The following GRM7 variants were observed in gnomAD, a reference collection of about 807,000 sequenced individuals.
The protein encoded by GRM7 is metabotropic glutamate receptor 7.
Under a neutral mutation model 84.5 loss-of-function variants are expected in GRM7, and 35 were observed. The ratio of observed to expected loss-of-function variants is 0.41; its 90% CI spans 0.32 to 0.55. The LOEUF is 0.55. Ranked by LOEUF, GRM7 falls within the 20% of genes least tolerant of loss-of-function variation. The probability of loss-of-function intolerance (pLI) is 0.19; values close to 1 mark genes in which losing one functional copy is unlikely to be tolerated. For synonymous variants in GRM7, 487 were observed against 455.1 expected, an observed-to-expected ratio of 1.07 and a Z score of -0.89; for missense variants, 1,003 against 1,194.6, an observed-to-expected ratio of 0.84 and a Z score of 2.36.
intron 1 of GRM7, among the ~76,000 whole-genome samples, chr3:7,095,982 TCA>T (rs979711242): frequency 3.9e-5 from 6 of 152,146 alleles, no homozygotes; most frequent in African/African-American, 1.4e-4. Context: ...ATACACATAT[TCA>T]CACAGTTTAC....
chr3:6,866,498 C>G (rs936967975), intron 1 of GRM7, among the ~76,000 whole-genome samples: 1 of 152,162 alleles, frequency 6.6e-6, no homozygotes, highest in Non-Finnish European at 1.5e-5. Flanking sequence ...ACACAGCTCT[C>G]TTGGTCATTA....
chr3:7,030,447 G>A (rs1044759421), intron 1 of GRM7, among the ~76,000 whole-genome samples: 1 of 152,176 alleles, frequency 6.6e-6, no homozygotes, highest in Non-Finnish European at 1.5e-5. Context: ...AAAACTCACT[G>A]AATTGAATAG....
At chr3:7,077,850 C>A (rs929343598) in intron 1 of GRM7, among the ~76,000 whole-genome samples, 2 of 152,022 alleles carry the variant, frequency 1.3e-5, no homozygotes, top group Admixed American at 1.3e-4. Context: ...TGTTCCATAC[C>A]ACTTTATATA....
rs188260529 is a variant in GRM7, at chr3:7,531,315, G to T, written c.1516-47107G>T. Among the ~76,000 whole-genome samples the T allele has an allele frequency of 2.0e-3, 307 of 152,126 alleles. 1 individual carries two copies. The highest frequency in any genetic ancestry group is 3.7e-3 in the Non-Finnish European group (250 of 67,984). Reference sequence around the variant, plus strand: ...TCCATTGGTCTATATCTCTGTTTTGGTACCAGTACCATGCTGTTTGGGTTA... The same window carrying T: ...TCCATTGGTCTATATCTCTGTTTTGTTACCAGTACCATGCTGTTTGGGTTA... On this transcript the variant is annotated intron_variant, in intron 7 of 9. Coordinates refer to ENST00000357716, the MANE Select transcript of GRM7 (RefSeq NM_000844.4).
chr3:7,610,406 G>A (rs1300511902), intron 8 of GRM7, among the ~76,000 whole-genome samples: 1 of 152,152 alleles, frequency 6.6e-6, no homozygotes, highest in Non-Finnish European at 1.5e-5. Flanking sequence ...GTTAAACAAA[G>A]TAATTAATTA....
chr3:6,930,480 A>G (rs1697463614), intron 1 of GRM7, among the ~76,000 whole-genome samples: 1 of 152,208 alleles, frequency 6.6e-6, no homozygotes, highest in South Asian at 2.1e-4. Context: ...CCAATTAATT[A>G]TAAGAACTAA....
chr3:7,328,625 A>C (rs1701075894), intron 4 of GRM7, among the ~76,000 whole-genome samples: 1 of 152,146 alleles, frequency 6.6e-6, no homozygotes. Context: ...GTAACTGTTG[A>C]GCCTCAGTGC....
Position 7,691,242 on chromosome 3 carries a change from G to A in GRM7, c.2698+10947G>A, listed in dbSNP as rs1020520616. The stretch of plus-strand genomic sequence containing the variant: ...TGAGGACCTCAGCTTGCACAAAGAG[G>A]ATTGAGATAACATTTCCAAAGCTTG... On this transcript the variant is annotated intron_variant, in intron 9 of 9. Transcript: ENST00000357716. 9 of 1,285,818 alleles carry A rather than the reference G, an allele frequency of 7.0e-6. No individual in the cohort carries two copies. The Admixed American group carries it at 1.8e-4, about 26-fold the overall frequency. 79.7% of individuals were successfully genotyped at this position (1,285,818 alleles called of 1,614,324 possible). A position where few individuals can be genotyped will look rare whatever the true frequency, so the allele number is the denominator to read the frequency against.
chr3:7,725,322 G>C lies in GRM7; in HGVS notation c.2699-15035G>C, dbSNP rs549632974. ...AAAATTCTGGAACAGATAGTTAGAG[G>C]GTATCACTGCCTCCACAGCCTCTTT... On this transcript the variant is annotated intron_variant, in intron 9 of 9. Transcript: ENST00000357716. Among the ~76,000 whole-genome samples the C allele has an allele frequency of 2.0e-5, 3 of 152,154 alleles. No individual in the cohort carries two copies. In the South Asian group the frequency reaches 6.2e-4, roughly 32 times the overall value.
intron 6 of GRM7, among the ~76,000 whole-genome samples, chr3:7,460,624 G>A (rs960634341): frequency 1.3e-5 from 2 of 152,134 alleles, no homozygotes; most frequent in African/African-American, 4.8e-5. Context: ...ATATTATCAT[G>A]TGGCCAGTGG....
intron 1 of GRM7, among the ~76,000 whole-genome samples, chr3:6,990,236 C>T (rs577607497): frequency 2.6e-5 from 4 of 152,192 alleles, no homozygotes; most frequent in African/African-American, 4.8e-5. Flanking sequence ...AGATGTTGGT[C>T]CCCCAGCCTT....
intron 1 of GRM7, among the ~76,000 whole-genome samples, chr3:6,941,104 A>G (rs1032704771): frequency 6.6e-6 from 1 of 152,176 alleles, no homozygotes; most frequent in Non-Finnish European, 1.5e-5. Context: ...CTGGACGTCA[A>G]TAGCTCCAGC....
At chr3:7,493,635 GCT>G (rs1487099981) in intron 7 of GRM7, among the ~76,000 whole-genome samples, 1 of 151,808 alleles carries the variant, frequency 6.6e-6, no homozygotes, top group East Asian at 1.9e-4. Flanking sequence ...ATTTTACTAA[GCT>G]CTGTTTTTTG....
At chr3:7,189,924 C>A (rs1362559935) in intron 2 of GRM7, among the ~76,000 whole-genome samples, 1 of 152,078 alleles carries the variant, frequency 6.6e-6, no homozygotes, top group Admixed American at 6.6e-5. Context: ...TATTTACACA[C>A]ACAGACCTAC....
chr3:7,648,968 A>T, intron 8 of GRM7, among the ~76,000 whole-genome samples: 1 of 150,104 alleles, frequency 6.7e-6, no homozygotes, highest in East Asian at 1.9e-4. Context: ...AAACTGAAGG[A>T]AGCACTCATT....
intron 1 of GRM7, among the ~76,000 whole-genome samples, chr3:6,999,014 C>A (rs1694921894): frequency 1.3e-5 from 2 of 152,204 alleles, no homozygotes; most frequent in Admixed American, 1.3e-4. Context: ...CTGGAGCAGG[C>A]TTGAAATTCT....
At chr3:7,719,801 C>CACACACAA (rs1365819342) in intron 9 of GRM7, among the ~76,000 whole-genome samples, 2 of 151,188 alleles carry the variant, frequency 1.3e-5, no homozygotes, top group Non-Finnish European at 3.0e-5. Flanking sequence ...CACACACACA[C>CACACACAA]ACACACACAC....
intron 8 of GRM7, among the ~76,000 whole-genome samples, chr3:7,674,083 CA>C (rs1387186536): frequency 5.9e-5 from 9 of 152,176 alleles, no homozygotes; most frequent in African/African-American, 7.2e-5. Context: ...ACAATAGTAT[CA>C]GGGGCAGAGC....
intron 9 of GRM7, among the ~76,000 whole-genome samples, chr3:7,708,350 CAA>C (rs35071699): frequency 0.029 from 4,100 of 141,738 alleles, 160 homozygotes; most frequent in African/African-American, 0.088. Flanking sequence ...GCAAACATGG[CAA>C]AAAAAAAAAA....
Sources: allele counts gnomAD v4.1 joint callset (sites outside exome capture counted in the v4.1 genomes callset), GRCh38; gene constraint gnomAD v4.1.1; transcripts MANE v1.5; gene names NCBI Gene and HGNC (gene_info 2026-07-23, HGNC 2026-07-21).